C1orf141: variants seen among roughly 807,000 people sequenced by gnomAD.
C1orf141 encodes the protein uncharacterized protein C1orf141.
A neutral mutation model predicts 23.2 loss-of-function variants in C1orf141; 19 were observed. The ratio of observed to expected loss-of-function variants is 0.82; its 90% confidence interval spans 0.57 to 1.20. The LOEUF (loss-of-function observed/expected upper bound fraction) is 1.20, where lower values mean the gene tolerates loss of function less well. C1orf141 is among the 50% of genes most tolerant of loss of function. The pLI is 0.00. For synonymous variants in C1orf141, 153 were observed against 154.6 expected (o/e 0.99, Z 0.08); for missense variants, 469 against 455.1 (o/e 1.03, Z -0.28).
At chr1:67,125,697 C>CAAAA (rs779195823) in intron 4 of C1orf141, 55 bp downstream of exon 4, 5 of 1,537,918 alleles carry the variant, frequency 3.3e-6, no homozygotes, top group African/African-American at 2.7e-5. Flanking sequence ...GTCCTTGTTT[C>CAAAA]ACAAACAAAC....
intron 6 of C1orf141, chr1:67,096,037 C>T: frequency 2.9e-6 from 1 of 343,362 alleles, no homozygotes; most frequent in Non-Finnish European, 5.4e-6. Flanking sequence ...AATTGTATTC[C>T]CTCTATTCAT....
chr1:67,121,932 G>C (rs1055259826), intron 4 of C1orf141: 3 of 152,172 alleles, frequency 2.0e-5, no homozygotes. Context: ...GCTTGTATAG[G>C]GACGGGAAAG....
At chr1:67,112,292 A>G (rs1646089993) in intron 5 of C1orf141, among the ~76,000 whole-genome samples, 1 of 152,246 alleles carries the variant, frequency 6.6e-6, no homozygotes, top group Non-Finnish European at 1.5e-5. Flanking sequence ...TAGTCATTCA[A>G]TCAATAGTTA....
At chr1:67,102,354 T>C (rs1414916506) in intron 5 of C1orf141, among the ~76,000 whole-genome samples, 3 of 145,928 alleles carry the variant, frequency 2.1e-5, no homozygotes, top group African/African-American at 8.0e-5. Context: ...GTGTGTAATA[T>C]AAAAAGCATT....
intron 4 of C1orf141, among the ~76,000 whole-genome samples, chr1:67,119,936 C>T (rs1231808989): frequency 1.3e-5 from 2 of 152,182 alleles, no homozygotes; most frequent in Non-Finnish European, 2.9e-5. Flanking sequence ...GGGCTGCCTC[C>T]ACTTCTATTT....
At position 67,095,458 on chromosome 1, in the gene C1orf141, G is replaced by A. The variant is rs748727528; in HGVS notation, c.417-37C>T. The A allele has an allele frequency of 3.4e-6, 4 of 1,171,126 alleles. No homozygotes were observed. The Admixed American group carries it at 1.2e-4, about 36-fold the overall frequency. 72.5% of individuals were successfully genotyped at this position (1,171,126 alleles called of 1,614,324 possible). A position where few individuals can be genotyped will look rare whatever the true frequency, so the allele number is the denominator to read the frequency against. On this transcript the variant is annotated intron_variant, in intron 6 of 7. Coordinates refer to ENST00000684719, the MANE Select transcript of C1orf141 (RefSeq NM_001276351.2). The stretch of plus-strand genomic sequence containing the variant: ...CACAGTTCAGGGTAGTGTTCATGGG[G>A]CTGATTACAGCTTGTCAGTTCTTGT...
At chr1:67,123,547 A>G (rs1398594593) in intron 4 of C1orf141, 2 of 152,152 alleles carry the variant, frequency 1.3e-5, no homozygotes, top group African/African-American at 4.8e-5. Flanking sequence ...CTAGAAGCAG[A>G]TAGAATTGTA....
At chr1:67,141,295 G>A (rs1210855701) in intron 1 of C1orf141, among the ~76,000 whole-genome samples, 2 of 152,090 alleles carry the variant, frequency 1.3e-5, no homozygotes, top group Non-Finnish European at 1.5e-5. Flanking sequence ...TTTTCTAAAT[G>A]CACAGACTAA....
intron 1 of C1orf141, among the ~76,000 whole-genome samples, chr1:67,132,810 T>C (rs1646539285): frequency 6.6e-6 from 1 of 152,250 alleles, no homozygotes; most frequent in African/African-American, 2.4e-5. Flanking sequence ...TTATTGCCAA[T>C]CTAAACTTGG....
chr1:67,092,850 G>T lies in C1orf141; in HGVS notation c.*155C>A, dbSNP rs1645582261. On this transcript the variant is annotated 3_prime_UTR_variant, in exon 8 of 8. Coordinates refer to ENST00000684719, the MANE Select transcript of C1orf141 (RefSeq NM_001276351.2). ...TTTTCTAAAAATGTTGATTGTTCTTGAACAGACCACTGCTGACTTATAATT... is the reference window on the plus strand; with the variant it reads ...TTTTCTAAAAATGTTGATTGTTCTTTAACAGACCACTGCTGACTTATAATT... 3 of 569,018 alleles carry T rather than the reference G, an allele frequency of 5.3e-6. No homozygotes were observed. The Admixed American group carries it at 1.1e-4, about 20-fold the overall frequency. The allele number at this position is 569,018 out of a possible 1,614,324, so 35.2% of individuals were successfully genotyped here.
chr1:67,112,052 T>C (rs1452312264), intron 5 of C1orf141, among the ~76,000 whole-genome samples: 5 of 152,232 alleles, frequency 3.3e-5, no homozygotes, highest in Non-Finnish European at 5.9e-5. Context: ...CCAATGGATA[T>C]TCTTAAAGTA....
chr1:67,111,503 G>A (rs1646071117), intron 5 of C1orf141: 1 of 531,724 alleles, frequency 1.9e-6, no homozygotes, highest in Non-Finnish European at 3.1e-6. Context: ...TGGATTTGTA[G>A]GAGCATATAT....
rs371722895 is a variant in C1orf141 at position 67,107,272 on chromosome 1, G to C, written c.346+8080C>G. Among the ~76,000 whole-genome samples, 3 of 152,204 alleles carry C rather than the reference G, an allele frequency of 2.0e-5. No homozygotes were observed. In the East Asian group the frequency reaches 5.8e-4, roughly 29 times the overall value. On this transcript the variant is annotated intron_variant, in intron 5 of 7. Transcript: ENST00000684719. ...ACTAAAATCCAACAGATATATTAAA[G>C]TGAAATTTTGATAAATATTCAAATA... is the stretch of plus-strand genomic sequence containing the variant.
chr1:67,101,635 G>T (rs1363360690), intron 5 of C1orf141, among the ~76,000 whole-genome samples: 1 of 151,930 alleles, frequency 6.6e-6, no homozygotes, highest in Admixed American at 6.6e-5. Context: ...ATATGAGGCA[G>T]ATTTTCTTTG....
intron 4 of C1orf141, 114 bp from the exon 5 acceptor site, chr1:67,115,578 G>A (rs1570711554): frequency 3.8e-6 from 2 of 520,766 alleles, no homozygotes; most frequent in Non-Finnish European, 6.8e-6. Flanking sequence ...TGGATGTTAT[G>A]TTAATGTTGT....
rs1570668118 is a variant in C1orf141 at position 67,093,084 on chromosome 1, T to G, written c.1124A>C (p.Lys375Thr). 6.2e-7 allele frequency: 1 copy of G among 1,611,734 alleles called. No homozygotes were observed. ...LPVKCYSKPF[K>T]YIYELNNVTP... Reference sequence around the variant, plus strand: ...TACATTATTTAGTTCATATATATATTTAAAAGGCTTTGAGTAACATTTGAC... The same window carrying G: ...TACATTATTTAGTTCATATATATATGTAAAAGGCTTTGAGTAACATTTGAC... The change falls in exon 8 of 8, where the codon AAA (lysine) becomes ACA (threonine). Residue 375 changes from lysine (K) to threonine (T), a missense_variant. By Grantham distance (78) the Lys-to-Thr change is moderately conservative. Around this residue, in one of 3 missense-constraint regions of C1orf141, gnomAD observed 370 missense variants for 348.1 expected, o/e 1.06. Transcript: ENST00000684719.
chr1:67,120,689 G>A (rs1646281284), intron 4 of C1orf141, among the ~76,000 whole-genome samples: 1 of 152,136 alleles, frequency 6.6e-6, no homozygotes, highest in African/African-American at 2.4e-5. Flanking sequence ...CTGCAAAGCA[G>A]GAAGAGTGTC....
chr1:67,121,167 C>A (rs981433323), intron 4 of C1orf141, among the ~76,000 whole-genome samples: 1 of 152,142 alleles, frequency 6.6e-6, no homozygotes, highest in Non-Finnish European at 1.5e-5. Flanking sequence ...ATTTTAATAA[C>A]CTTGCCTTTG....
chr1:67,115,381 T>C lies in C1orf141; in HGVS notation c.317A>G (p.Asn106Ser). ...TGACTCACTTTCTTTATTTTTTACA[T>C]TTGTTTGAATAAAGAATGGTCTTAA... Reference protein sequence around the residue: ...SNLRPFFIQTNVKNKESESTA... With the variant: ...SNLRPFFIQTSVKNKESESTA... The change falls in exon 5 of 8, where the codon AAT becomes AGT. Residue 106 changes from asparagine to serine, a missense_variant. By Grantham distance (46) the Asn-to-Ser change is conservative (BLOSUM62 1). Around this residue, in one of 3 missense-constraint regions of C1orf141, gnomAD observed 370 missense variants for 348.1 expected, o/e 1.06. Transcript: ENST00000684719. 1 of 1,386,440 alleles carries C rather than the reference T, an allele frequency of 7.2e-7. No individual in the cohort carries two copies. The highest frequency in any genetic ancestry group is 1.0e-6 in the Non-Finnish European group (1 of 987,006). 85.9% of individuals were successfully genotyped at this position (1,386,440 alleles called of 1,614,324 possible).
Sources: allele counts gnomAD v4.1 joint callset (sites outside exome capture counted in the v4.1 genomes callset), GRCh38; gene constraint gnomAD v4.1.1; regional missense constraint gnomAD v4.1.1; transcripts MANE v1.5; gene names NCBI Gene and HGNC (gene_info 2026-07-23, HGNC 2026-07-21).